SKIC3: variants seen among roughly 807,000 people sequenced by gnomAD.
The protein encoded by SKIC3 is SKI3 subunit of superkiller complex.
At chr5:95,505,188 C>T in the SKIC3 span, among the ~76,000 whole-genome samples, 388 of 152,212 alleles carry the variant, frequency 2.5e-3, 3 homozygotes, top group African/African-American at 8.9e-3. Context: ...ATCACTATAA[C>T]CTGAATCTGT....
the SKIC3 span, among the ~76,000 whole-genome samples, chr5:95,552,369 GA>G: frequency 6.6e-6 from 1 of 152,080 alleles, no homozygotes. Context: ...ATCCTATATA[GA>G]CATAATTCAA....
chr5:95,494,653 G>C, the SKIC3 span: 3 of 1,594,596 alleles, frequency 1.9e-6, no homozygotes, highest in Non-Finnish European at 8.6e-7. Flanking sequence ...AAAAAGAATT[G>C]GAATTAATGA....
chr5:95,504,107 G>C, the SKIC3 span, among the ~76,000 whole-genome samples: 4 of 136,162 alleles, frequency 2.9e-5, no homozygotes, highest in South Asian at 7.2e-4. Flanking sequence ...GGTGGGGGGA[G>C]GGGGTGGATC....
At chr5:95,513,710 G>C in the SKIC3 span, 2 of 1,495,216 alleles carry the variant, frequency 1.3e-6, no homozygotes, top group African/African-American at 1.4e-5. Flanking sequence ...AATACAAAAT[G>C]AAACTGTCTA....
At chr5:95,465,652 C>T in the SKIC3 span, among the ~76,000 whole-genome samples, 1 of 152,192 alleles carries the variant, frequency 6.6e-6, no homozygotes, top group African/African-American at 2.4e-5. Context: ...ACAGCATGAA[C>T]ATCAACATAT....
chr5:95,528,295 A>G, the SKIC3 span: 1 of 994,790 alleles, frequency 1.0e-6, no homozygotes, highest in South Asian at 1.5e-5. Context: ...ACTCAAAGCT[A>G]AATATAAATT....
the SKIC3 span, chr5:95,516,508 A>G: frequency 6.2e-7 from 1 of 1,613,280 alleles, no homozygotes; most frequent in Non-Finnish European, 8.5e-7. Flanking sequence ...TTTTTCATAG[A>G]CACATAGAAT....
the SKIC3 span, among the ~76,000 whole-genome samples, chr5:95,490,426 T>C: frequency 6.8e-6 from 1 of 147,588 alleles, no homozygotes; most frequent in Non-Finnish European, 1.5e-5. Context: ...TTTAAATATA[T>C]ATATTCATTA....
the SKIC3 span, among the ~76,000 whole-genome samples, chr5:95,549,540 C>A: frequency 6.6e-6 from 1 of 151,930 alleles, no homozygotes; most frequent in Non-Finnish European, 1.5e-5. Flanking sequence ...TATGTAATTA[C>A]AATTCTTCAT....
chr5:95,523,978 T>G, the SKIC3 span: 54 of 836,870 alleles, frequency 6.5e-5, no homozygotes, highest in East Asian at 1.2e-3. Context: ...AATCCTTTGA[T>G]GTAAGATTTA....
the SKIC3 span, among the ~76,000 whole-genome samples, chr5:95,480,304 T>C: frequency 6.6e-6 from 1 of 152,022 alleles, no homozygotes; most frequent in East Asian, 1.9e-4. Context: ...AGAAAATATT[T>C]TCAATAAAAA....
the SKIC3 span, among the ~76,000 whole-genome samples, chr5:95,537,640 T>C: frequency 5.9e-5 from 9 of 152,190 alleles, no homozygotes; most frequent in Non-Finnish European, 1.2e-4. Flanking sequence ...TCTTATGCAG[T>C]ATTAGCTGAC....
the SKIC3 span, among the ~76,000 whole-genome samples, chr5:95,551,445 G>A: frequency 3.4e-3 from 523 of 152,216 alleles, 9 homozygotes; most frequent in Admixed American, 0.025. Context: ...GTGATCTACC[G>A]AAATAGAAGT....
chr5:95,503,773 C>G, the SKIC3 span: 3 of 1,611,164 alleles, frequency 1.9e-6, no homozygotes, highest in African/African-American at 4.0e-5. Context: ...TGATTAAACT[C>G]GACTCTAAAT....
the SKIC3 span, among the ~76,000 whole-genome samples, chr5:95,479,222 C>CA: frequency 3.3e-5 from 5 of 152,126 alleles, no homozygotes; most frequent in African/African-American, 1.2e-4. Flanking sequence ...AGAACAACAA[C>CA]AAAAAATACC....
chr5:95,465,696 A>G, the SKIC3 span, among the ~76,000 whole-genome samples: 1 of 152,160 alleles, frequency 6.6e-6, no homozygotes, highest in Admixed American at 6.5e-5. Flanking sequence ...TCAGTCTGTG[A>G]CGTGGATGGA....
At chr5:95,528,082 C>T in the SKIC3 span, 1 of 1,613,812 alleles carries the variant, frequency 6.2e-7, no homozygotes. Context: ...CCTCTGCTTT[C>T]AAATGAAGAC....
At chr5:95,466,307 A>AT in the SKIC3 span, among the ~76,000 whole-genome samples, 1 of 152,166 alleles carries the variant, frequency 6.6e-6, no homozygotes, top group African/African-American at 2.4e-5. Context: ...AAGGCAAACA[A>AT]TTTTTTTAAA....
the SKIC3 span, among the ~76,000 whole-genome samples, chr5:95,545,420 C>T: frequency 6.6e-6 from 1 of 152,174 alleles, no homozygotes; most frequent in Non-Finnish European, 1.5e-5. Context: ...ACTGCCCAGT[C>T]TTGCCCAATT....
Sources: gnomAD v4.1 joint callset for allele counts (sites outside exome capture counted in the v4.1 genomes callset) on GRCh38, gnomAD v4.1.1 for gene constraint, MANE v1.5 for transcripts, NCBI Gene and HGNC (gene_info 2026-07-23, HGNC 2026-07-21) for gene names.